The following CTSK variants were observed in gnomAD, a reference collection of about 807,000 sequenced individuals.
CTSK encodes the protein cathepsin K.
Under a neutral mutation model 40.5 loss-of-function variants are expected in CTSK, and 26 were observed. The observed-to-expected ratio is 0.64, with a 90% CI of 0.47 to 0.89. The LOEUF is 0.89. Among genes scored for constraint, CTSK ranks in the 40% least tolerant of loss-of-function variants. The pLI is 0.00. For synonymous variants in CTSK, 132 were observed against 143.2 expected, an observed-to-expected ratio of 0.92 and a Z score of 0.56; for missense variants, 292 against 400.1, an observed-to-expected ratio of 0.73 and a Z score of 2.30.
chr1:150,807,084 A>T (rs895477789), intron 1 of CTSK, among the ~76,000 whole-genome samples: 68 of 41,510 alleles, frequency 1.6e-3, no homozygotes, highest in African/African-American at 5.9e-3. Flanking sequence ...TCTCTCTCAC[A>T]CACACACACA....
chr1:150,804,024 T>A lies in CTSK; in HGVS notation c.615A>T (p.Gly205=). ...IDSEDAYPYV[G]QEESCMYNPT... Reference sequence around the variant, plus strand: ...TAATTGTGTGGAGCAATCTCACCTGTCCCACATATGGGTAGGCATCTTCAG... The same window carrying A: ...TAATTGTGTGGAGCAATCTCACCTGACCCACATATGGGTAGGCATCTTCAG... The change falls in exon 5 of 8, where the codon GGA becomes GGT. Residue 205 remains glycine (G), a synonymous_variant. Coordinates refer to ENST00000271651, the MANE Select transcript of CTSK (RefSeq NM_000396.4). 6.2e-7 allele frequency: 1 copy of A among 1,613,474 alleles called. No homozygotes were observed.
chr1:150,805,671 A>G (rs1252128597), intron 4 of CTSK, among the ~76,000 whole-genome samples, 190 bp downstream of exon 4: 1 of 151,040 alleles, frequency 6.6e-6, no homozygotes, highest in Non-Finnish European at 1.5e-5. Context: ...AAAGGAAAAG[A>G]AAAAGAAAAA....
chr1:150,802,853 A>G (rs7519819), intron 5 of CTSK, among the ~76,000 whole-genome samples: 152,297 of 152,306 alleles, frequency 1, 76,144 homozygotes, highest in Non-Finnish European at 1. Flanking sequence ...AGCTATGACT[A>G]TATCACCACA....
rs201051635 is a variant in CTSK at position 150,806,785 on chromosome 1, C to T, written c.21G>A (p.Leu7=). 1 of 1,614,002 alleles carries T rather than the reference C, an allele frequency of 6.2e-7. No homozygotes were observed. Among genetic ancestry groups the T allele is most frequent in the African/African-American group, 1.3e-5 (1 of 75,006 alleles). MWGLKV[L]LLPVVSFALY... ...GAGCAAAGCTCACCACAGGTAGCAG[C>T]AGAACCTTGAGCCCCCACATCCTGC... The change falls in exon 2 of 8, where the codon CTG becomes CTA. Residue 7 remains leucine (L), a synonymous_variant. Coordinates refer to ENST00000271651, the MANE Select transcript of CTSK (RefSeq NM_000396.4).
chr1:150,799,733 G>C lies in CTSK; in HGVS notation c.619-24C>G, dbSNP rs587759497. On this transcript the variant is annotated intron_variant, in intron 5 of 7. Transcript: ENST00000271651. ...TCCTGGAAGAAACAAGATTGTAATAGGACTAGGACAAAGCAATAGGCAATG... is the reference window on the plus strand; with the variant it reads ...TCCTGGAAGAAACAAGATTGTAATACGACTAGGACAAAGCAATAGGCAATG... 7 of 1,611,888 alleles carry C rather than the reference G, an allele frequency of 4.3e-6. No individual in the cohort carries two copies. In the East Asian group the frequency reaches 1.6e-4, roughly 36 times the overall value.
chr1:150,801,990 G>A (rs1653999075), intron 5 of CTSK, among the ~76,000 whole-genome samples: 2 of 151,896 alleles, frequency 1.3e-5, no homozygotes, highest in South Asian at 4.2e-4. Context: ...TTAAAAATGA[G>A]TAAGGGGTGG....
Position 150,804,097 on chromosome 1 carries a change from T to G in CTSK, c.542A>C (p.Tyr181Ser), listed in dbSNP as rs1654042518. ...CACATATTGGAAGGCATTGGTCATG[T>G]AGCCCCCTCCACAGCCATCATTCTC... ...VSENDGCGGG[Y>S]MTNAFQYVQK... Residue 181 changes from tyrosine (Y) to serine (S), a missense_variant, in exon 5 of 8, where the codon TAC becomes TCC. Tyr to Ser is a moderately radical substitution (Grantham distance 144). Coordinates refer to ENST00000271651, the MANE Select transcript of CTSK (RefSeq NM_000396.4). 6.2e-7 allele frequency: 1 copy of G among 1,614,178 alleles called. No homozygotes were observed. The highest frequency in any genetic ancestry group is 8.5e-7 in the Non-Finnish European group (1 of 1,180,028).
chr1:150,805,725 C>T, intron 4 of CTSK, 136 bp downstream of exon 4: 1 of 701,614 alleles, frequency 1.4e-6, no homozygotes, highest in Non-Finnish European at 2.4e-6. Context: ...GGTTAAATAA[C>T]AGAATGGGAA....
Position 150,804,179 on chromosome 1 carries a change from T to C in CTSK, c.460A>G (p.Lys154Glu), listed in dbSNP as rs752495829. Residue 154 changes from lysine (K) to glutamate (E), a missense_variant, in exon 5 of 8, where the codon AAG (lysine) becomes GAG (glutamate). Lys to Glu is a moderately conservative substitution (Grantham distance 56). Coordinates refer to ENST00000271651, the MANE Select transcript of CTSK (RefSeq NM_000396.4). ...SVGALEGQLKKKTGKLLNLSP... is the reference protein window; with the variant it reads ...SVGALEGQLKEKTGKLLNLSP... Reference sequence around the variant, plus strand: ...AGATTTAAGAGTTTGCCAGTTTTCTTCTTGAGTTGGCCCTCCAGGGCACCC... The same window carrying C: ...AGATTTAAGAGTTTGCCAGTTTTCTCCTTGAGTTGGCCCTCCAGGGCACCC... The C allele has an allele frequency of 3.1e-6, 5 of 1,614,048 alleles. No individual in the cohort carries two copies. In the South Asian group the frequency reaches 5.5e-5, roughly 18 times the overall value.
At position 150,806,752 on chromosome 1, in the gene CTSK, A is replaced by C. The variant is rs1382243201; in HGVS notation, c.54T>G (p.Pro18=). 6.8e-6 allele frequency: 11 copies of C among 1,613,950 alleles called. No homozygotes were observed. Among genetic ancestry groups the C allele is most frequent in the Non-Finnish European group, 9.3e-6 (11 of 1,180,004 alleles). ...CCCAGTGGGTGTCCAGTATCTCCTC[A>C]GGGTACAGAGCAAAGCTCACCACAG... The part of the protein sequence containing the change: ...LLPVVSFALY[P]EEILDTHWEL... The change falls in exon 2 of 8, where the codon CCT becomes CCG. Residue 18 remains proline (P), a synonymous_variant. Transcript: ENST00000271651.
intron 5 of CTSK, among the ~76,000 whole-genome samples, chr1:150,800,194 CAA>C (rs57369418): frequency 2.8e-5 from 2 of 71,716 alleles, no homozygotes; most frequent in African/African-American, 1.2e-4. Context: ...GACTCCATCT[CAA>C]AAAAAAAAAA....
Position 150,804,069 on chromosome 1 carries a change from C to T in CTSK, c.570G>A (p.Gln190=). 6.2e-7 allele frequency: 1 copy of T among 1,614,218 alleles called. No homozygotes were observed. The stretch of plus-strand genomic sequence containing the variant: ...CTTCAGAGTCAATACCCCGGTTCTT[C>T]TGCACATATTGGAAGGCATTGGTCA... ...GYMTNAFQYV[Q]KNRGIDSEDA... The change falls in exon 5 of 8, where the codon CAG becomes CAA. Residue 190 remains glutamine, a synonymous_variant. Coordinates refer to ENST00000271651, the MANE Select transcript of CTSK (RefSeq NM_000396.4).
intron 4 of CTSK, among the ~76,000 whole-genome samples, chr1:150,805,638 CAAAAAAAAAAAAAA>C (rs79027279): frequency 1.8e-4 from 10 of 55,000 alleles, no homozygotes; most frequent in Admixed American, 7.0e-4. Context: ...GACTCTATCT[CAAAAAAAAAAAAAA>C]AAAAAAAAAA....
chr1:150,799,494 C>T, intron 6 of CTSK, 50 bp downstream of exon 6: 2 of 1,606,664 alleles, frequency 1.2e-6, no homozygotes, highest in Admixed American at 1.7e-5. Flanking sequence ...GAGAAACCAT[C>T]AAGTTTGTAT....
Sources: gnomAD v4.1 joint callset for allele counts (sites outside exome capture counted in the v4.1 genomes callset) on GRCh38, gnomAD v4.1.1 for gene constraint, MANE v1.5 for transcripts, NCBI Gene and HGNC (gene_info 2026-07-23, HGNC 2026-07-21) for gene names.